Variants in GABRB1 observed in about 807,000 individuals in gnomAD.
The protein encoded by GABRB1 is gamma-aminobutyric acid receptor subunit beta-1.
GABRB1 carries 17 observed loss-of-function variants against 51.6 expected under a neutral mutation model. That is an observed-to-expected ratio of 0.33 (90% confidence interval 0.23 to 0.49). GABRB1 has a LOEUF of 0.49. GABRB1 is among the 20% of genes least tolerant of loss of function. The pLI is 0.99. For synonymous variants in GABRB1, 247 were observed against 218.9 expected, an observed-to-expected ratio of 1.13 and a Z score of -1.14; for missense variants, 410 against 600.6, an observed-to-expected ratio of 0.68 and a Z score of 3.32.
At chr4:47,101,919 G>A (rs1033671877) in intron 3 of GABRB1, among the ~76,000 whole-genome samples, 1 of 152,006 alleles carries the variant, frequency 6.6e-6, no homozygotes, top group African/African-American at 2.4e-5. Flanking sequence ...AGTCAGGAAT[G>A]CCTTTTTACA....
chr4:47,020,707 T>C (rs1373005940), intron 1 of GABRB1, among the ~76,000 whole-genome samples: 1 of 152,116 alleles, frequency 6.6e-6, no homozygotes, highest in Non-Finnish European at 1.5e-5. Flanking sequence ...ACCACTATAA[T>C]TTTCCCACTT....
At chr4:47,214,042 A>C (rs1184745683) in intron 4 of GABRB1, among the ~76,000 whole-genome samples, 1 of 152,138 alleles carries the variant, frequency 6.6e-6, no homozygotes, top group Non-Finnish European at 1.5e-5. Context: ...GTCACATTCT[A>C]TAATCTCTTT....
At chr4:47,295,296 G>A (rs930200441) in intron 4 of GABRB1, among the ~76,000 whole-genome samples, 39 of 152,142 alleles carry the variant, frequency 2.6e-4, no homozygotes, top group African/African-American at 8.9e-4. Context: ...GGCTTCAGAC[G>A]ATCAAACTAC....
intron 3 of GABRB1, among the ~76,000 whole-genome samples, chr4:47,098,124 G>A (rs1210238362): frequency 2.0e-5 from 3 of 150,356 alleles, no homozygotes; most frequent in Admixed American, 1.3e-4. Context: ...AACTATCAAG[G>A]TTCCCTGGAA....
At chr4:47,405,266 C>T (rs139507469) in intron 7 of GABRB1, among the ~76,000 whole-genome samples, 2 of 152,150 alleles carry the variant, frequency 1.3e-5, no homozygotes, top group South Asian at 4.1e-4. Context: ...TAGCCCTGAC[C>T]TCCTACTTTA....
chr4:47,298,577 T>G (rs1488175845), intron 4 of GABRB1, among the ~76,000 whole-genome samples: 4 of 152,088 alleles, frequency 2.6e-5, no homozygotes, highest in Admixed American at 1.3e-4. Flanking sequence ...CACTGCTCAA[T>G]GAAATAAAAG....
chr4:47,214,286 A>G lies in GABRB1; in HGVS notation c.461+52817A>G, dbSNP rs1348222. 4.4e-3 allele frequency among the ~76,000 whole-genome samples: 675 copies of G among 152,286 alleles called. 3 individuals carry two copies. Among genetic ancestry groups the G allele is most frequent in the South Asian group, 0.023 (110 of 4,822 alleles). ...GTGGGACTCCCTTTGTTTACAGTGA[A>G]CATGATTTGTGCTCAATCATTCCTC... On this transcript the variant is annotated intron_variant, in intron 4 of 8. Transcript: ENST00000295454.
chr4:47,178,660 A>G (rs1718805336), intron 4 of GABRB1, among the ~76,000 whole-genome samples: 1 of 152,140 alleles, frequency 6.6e-6, no homozygotes, highest in Non-Finnish European at 1.5e-5. Flanking sequence ...TTCACCCCAT[A>G]TAAAAAGGGC....
At chr4:46,993,712 G>T (rs1012679254), upstream of GABRB1, 1 of 335,666 alleles carries the variant, frequency 3.0e-6, no homozygotes, top group South Asian at 3.4e-5. Flanking sequence ...AAGGTTCTGG[G>T]GTTCGTATCC....
intron 3 of GABRB1, among the ~76,000 whole-genome samples, chr4:47,055,217 A>G (rs1577865541): frequency 6.6e-6 from 1 of 152,254 alleles, no homozygotes; most frequent in Non-Finnish European, 1.5e-5. Flanking sequence ...GTCGAAAGAA[A>G]GGTATTCTAG....
intron 5 of GABRB1, among the ~76,000 whole-genome samples, chr4:47,330,330 A>G (rs73249608): frequency 0.096 from 14,621 of 152,256 alleles, 971 homozygotes; most frequent in Non-Finnish European, 0.14. Flanking sequence ...TGATCCAGCC[A>G]AGTTGACACA....
At chr4:47,303,776 A>C (rs1724349797) in intron 4 of GABRB1, among the ~76,000 whole-genome samples, 1 of 151,986 alleles carries the variant, frequency 6.6e-6, no homozygotes, top group South Asian at 2.1e-4. Context: ...ATTTTCAAGA[A>C]TACATTATTA....
At chr4:47,319,244 T>A (rs1343594099) in intron 4 of GABRB1, among the ~76,000 whole-genome samples, 1 of 152,106 alleles carries the variant, frequency 6.6e-6, no homozygotes, top group Non-Finnish European at 1.5e-5. Flanking sequence ...TACTACAGTA[T>A]ACTGTATAAG....
chr4:47,166,572 A>G (rs1014470846), intron 4 of GABRB1, among the ~76,000 whole-genome samples: 2 of 152,058 alleles, frequency 1.3e-5, no homozygotes, highest in African/African-American at 4.8e-5. Flanking sequence ...TGCTGTTTAC[A>G]TTATTAGTAA....
chr4:47,102,804 A>G (rs1397676487), intron 3 of GABRB1, among the ~76,000 whole-genome samples: 2 of 152,048 alleles, frequency 1.3e-5, no homozygotes, highest in African/African-American at 4.8e-5. Context: ...AGCTACATTC[A>G]TAAGACTAGG....
chr4:47,068,288 G>A (rs1165505499), intron 3 of GABRB1, among the ~76,000 whole-genome samples: 2 of 152,156 alleles, frequency 1.3e-5, no homozygotes, highest in African/African-American at 4.8e-5. Context: ...CTGTAATAAA[G>A]CTATTTCACT....
chr4:47,333,351 A>G (rs1317158629), intron 5 of GABRB1, among the ~76,000 whole-genome samples: 1 of 151,638 alleles, frequency 6.6e-6, no homozygotes. Context: ...CTTTAGCAAC[A>G]TTCTCTGCCA....
intron 4 of GABRB1, among the ~76,000 whole-genome samples, chr4:47,311,429 A>G (rs1298825353): frequency 6.6e-6 from 1 of 151,654 alleles, no homozygotes; most frequent in Non-Finnish European, 1.5e-5. Flanking sequence ...AAAAAAAAAA[A>G]AAAAGATAGT....
intron 4 of GABRB1, among the ~76,000 whole-genome samples, chr4:47,284,812 A>C (rs980068993): frequency 1.3e-5 from 2 of 152,246 alleles, no homozygotes; most frequent in Non-Finnish European, 2.9e-5. Context: ...GGTATTCTCA[A>C]ACCAGACAGC....
Sources: allele counts gnomAD v4.1 joint callset (sites outside exome capture counted in the v4.1 genomes callset), GRCh38; gene constraint gnomAD v4.1.1; transcripts MANE v1.5; gene names NCBI Gene and HGNC (gene_info 2026-07-23, HGNC 2026-07-21).